Variants in GIMAP2 observed in about 807,000 individuals in gnomAD.
The protein encoded by GIMAP2 is GTPase IMAP family member 2.
In GIMAP2, 22 loss-of-function variants were observed where a neutral mutation model predicts 25.5. The ratio of observed to expected loss-of-function variants is 0.86; its 90% CI spans 0.62 to 1.23. The LOEUF (loss-of-function observed/expected upper bound fraction) is 1.23, where lower values mean the gene tolerates loss of function less well. Ranked by LOEUF, GIMAP2 falls within the 50% of genes most tolerant of loss-of-function variation. The pLI, the probability that GIMAP2 is intolerant of heterozygous loss-of-function variation, is 0.00. For missense variants in GIMAP2, 422 were observed against 395.7 expected (o/e 1.07, Z -0.56); for synonymous variants, 167 against 143.0 (o/e 1.17, Z -1.20).
Position 150,693,176 on chromosome 7 carries a change from T to A in GIMAP2, c.890T>A (p.Leu297Ter). The change falls in exon 3 of 3, where the codon TTG (leucine) becomes TAG (stop). Residue 297 changes from leucine to a stop codon, truncating the protein, a stop_gained. Coordinates refer to ENST00000223293, the MANE Select transcript of GIMAP2 (RefSeq NM_015660.3). LOFTEE classifies it high-confidence loss of function. ...TGCATACTGCACAGCATGTGCAATT[T>A]GTTTTGTTGCTTACTCTTTAGTATG... Reference protein sequence around the residue: ...WLCILHSMCNLFCCLLFSMCN... With the variant: ...WLCILHSMCN 6.2e-7 allele frequency: 1 copy of A among 1,613,638 alleles called. No individual in the cohort carries two copies. Among genetic ancestry groups the A allele is most frequent in the Non-Finnish European group, 8.5e-7 (1 of 1,179,712 alleles).
chr7:150,693,447 C>T lies in GIMAP2; in HGVS notation c.*147C>T, dbSNP rs1342028460. ...CACTCCAATTATTAATGAACCAAAT[C>T]ATACGATAAGTTACTGTTTGCATTG... On this transcript the variant is annotated 3_prime_UTR_variant, in exon 3 of 3. Coordinates refer to ENST00000223293, the MANE Select transcript of GIMAP2 (RefSeq NM_015660.3). 3 of 561,586 alleles carry T rather than the reference C, an allele frequency of 5.3e-6. No homozygotes were observed. The highest frequency in any genetic ancestry group is 9.2e-6 in the Non-Finnish European group (3 of 325,658). The allele number at this position is 561,586 out of a possible 1,614,324, so 34.8% of individuals were successfully genotyped here. A position where few individuals can be genotyped will look rare whatever the true frequency, so the allele number is the denominator to read the frequency against.
rs1796910219 is a variant in GIMAP2, at chr7:150,687,043, G to A, written c.-8-9G>A. Reference sequence around the variant, plus strand: ...TGAAAAATAAGTTTCTTGTCTCTCTGTTTCTCAGGAACACCAATGGACCAA... The same window carrying A: ...TGAAAAATAAGTTTCTTGTCTCTCTATTTCTCAGGAACACCAATGGACCAA... On this transcript the variant is annotated splice_polypyrimidine_tract_variant and intron_variant, in intron 1 of 2. Coordinates refer to ENST00000223293, the MANE Select transcript of GIMAP2 (RefSeq NM_015660.3). 1 of 1,597,148 alleles carries A rather than the reference G, an allele frequency of 6.3e-7. No individual in the cohort carries two copies. Among genetic ancestry groups the A allele is most frequent in the South Asian group, 1.1e-5 (1 of 90,740 alleles).
intron 2 of GIMAP2, 68 bp downstream of exon 2, chr7:150,687,155 T>TGTGTGTGTGTG (rs1796913382): frequency 9.9e-6 from 11 of 1,106,182 alleles, no homozygotes; most frequent in African/African-American, 8.3e-5. Flanking sequence ...TGTGTGTGTG[T>TGTGTGTGTGTG]TTGGCTCTTC....
rs1390788836 is a variant in GIMAP2, at chr7:150,693,026, T to C, written c.740T>C (p.Met247Thr). Residue 247 changes from methionine (M) to threonine (T), a missense_variant, in exon 3 of 3, where the codon ATG becomes ACG. Transcript: ENST00000223293. ...TTCAAACAGAGCCTTATAAAGTACA[T>C]GGAAACTCAAAGAAGTTACACAGCC... Reference protein sequence around the residue: ...KEFKQSLIKYMETQRSYTALA... With the variant: ...KEFKQSLIKYTETQRSYTALA... 1 of 1,614,166 alleles carries C rather than the reference T, an allele frequency of 6.2e-7. No homozygotes were observed. Among genetic ancestry groups the C allele is most frequent in the Non-Finnish European group, 8.5e-7 (1 of 1,180,002 alleles).
chr7:150,689,366 C>A, intron 2 of GIMAP2: 1 of 542,316 alleles, frequency 1.8e-6, no homozygotes, highest in South Asian at 2.6e-5. Flanking sequence ...GCTTTGGATG[C>A]AGAGAATTCT....
Position 150,692,975 on chromosome 7 carries a change from T to G in GIMAP2, c.689T>G (p.Val230Gly), listed in dbSNP as rs776373050. 1.1e-5 allele frequency: 17 copies of G among 1,613,860 alleles called. No homozygotes were observed. Among genetic ancestry groups the G allele is most frequent in the Non-Finnish European group, 3.4e-6 (4 of 1,179,848 alleles). Residue 230 changes from valine to glycine, a missense_variant, in exon 3 of 3, where the codon GTG (valine) becomes GGG (glycine). By Grantham distance (109) the Val-to-Gly change is moderately radical (BLOSUM62 -3). Coordinates refer to ENST00000223293, the MANE Select transcript of GIMAP2 (RefSeq NM_015660.3). ...ATACAGAGGTCTAAATGTGGACCTG[T>G]GGGATCAGATGAAAGAGTAAAGGAA... The part of the protein sequence containing the change: ...SLIQRSKCGP[V>G]GSDERVKEFK...
chr7:150,693,376 C>T lies in GIMAP2; in HGVS notation c.*76C>T. On this transcript the variant is annotated 3_prime_UTR_variant, in exon 3 of 3. Transcript: ENST00000223293. ...AGTAATTTCCCTGTAAAATGTGGTACCTGAAGTCATATTTGAGATTCTATG... is the reference window on the plus strand; with the variant it reads ...AGTAATTTCCCTGTAAAATGTGGTATCTGAAGTCATATTTGAGATTCTATG... 3 of 924,572 alleles carry T rather than the reference C, an allele frequency of 3.2e-6. No homozygotes were observed. The highest frequency in any genetic ancestry group is 1.7e-5 in the South Asian group (1 of 57,398). The allele number at this position is 924,572 out of a possible 1,614,324, so 57.3% of individuals were successfully genotyped here.
chr7:150,689,539 C>A (rs79807098), intron 2 of GIMAP2: 4 of 702,788 alleles, frequency 5.7e-6, no homozygotes, highest in Non-Finnish European at 1.0e-5. Flanking sequence ...CAAGCTCCAG[C>A]GCGGTGTATC....
intron 2 of GIMAP2, 91 bp from the exon 3 acceptor site, chr7:150,692,224 C>CA (rs368597010): frequency 0.012 from 12,710 of 1,043,446 alleles, no homozygotes; most frequent in Non-Finnish European, 0.014. Flanking sequence ...GACTCCGTCT[C>CA]AAAAAAAAAA....
chr7:150,692,385 T>G lies in GIMAP2; in HGVS notation c.99T>G (p.Thr33=). 6.2e-7 allele frequency: 1 copy of G among 1,614,162 alleles called. No individual in the cohort carries two copies. Among genetic ancestry groups the G allele is most frequent in the Non-Finnish European group, 8.5e-7 (1 of 1,180,016 alleles). Residue 33 remains threonine (T), a synonymous_variant, in exon 3 of 3, where the codon ACT becomes ACG. Transcript: ENST00000223293. ...LRIILVGKTG[T]GKSAAGNSIL... The stretch of plus-strand genomic sequence containing the variant: ...TCATCCTGGTGGGCAAAACAGGAAC[T>G]GGCAAAAGTGCTGCAGGGAACAGCA...
chr7:150,685,732 A>T lies in GIMAP2; in HGVS notation c.-62A>T. 5.1e-6 allele frequency: 5 copies of T among 983,986 alleles called. No homozygotes were observed. Among genetic ancestry groups the T allele is most frequent in the Non-Finnish European group, 6.0e-6 (5 of 828,588 alleles). The allele number at this position is 983,986 out of a possible 1,614,324, so 61.0% of individuals were successfully genotyped here. A position where few individuals can be genotyped will look rare whatever the true frequency, so the allele number is the denominator to read the frequency against. ...TTTCTTTTTCTCTTGGAGCTGAGCT[A>T]TAAGACAACAGGACTGAACAGGGAG... On this transcript the variant is annotated 5_prime_UTR_variant, in exon 1 of 3. Coordinates refer to ENST00000223293, the MANE Select transcript of GIMAP2 (RefSeq NM_015660.3).
chr7:150,687,426 C>T (rs938276573), intron 2 of GIMAP2: 1 of 223,742 alleles, frequency 4.5e-6, no homozygotes, highest in Non-Finnish European at 8.6e-6. Flanking sequence ...GCACACACCA[C>T]CACGCCCAGC....
chr7:150,690,935 C>T (rs897593812), intron 2 of GIMAP2, among the ~76,000 whole-genome samples: 17 of 152,206 alleles, frequency 1.1e-4, no homozygotes, highest in Non-Finnish European at 2.2e-4. Context: ...CTTCTAAGCT[C>T]TGATATTCTG....
At chr7:150,686,956 A>AGAAAG in intron 1 of GIMAP2, 96 bp from the exon 2 acceptor site, 1 of 813,248 alleles carries the variant, frequency 1.2e-6, no homozygotes, top group South Asian at 1.8e-5. Flanking sequence ...AAAAAAAAAA[A>AGAAAG]AAAAAAAGAA....
chr7:150,688,386 C>A (rs1796927369), intron 2 of GIMAP2, among the ~76,000 whole-genome samples: 1 of 152,234 alleles, frequency 6.6e-6, no homozygotes, highest in South Asian at 2.1e-4. Context: ...CCACCTCAGC[C>A]TCCCAAAGTG....
At chr7:150,686,670 G>A (rs1434641687) in intron 1 of GIMAP2, among the ~76,000 whole-genome samples, 1 of 152,102 alleles carries the variant, frequency 6.6e-6, no homozygotes, top group African/African-American at 2.4e-5. Context: ...TTGGCCTAGT[G>A]TGATGGCTCA....
chr7:150,690,664 C>G (rs1304541746), intron 2 of GIMAP2, among the ~76,000 whole-genome samples: 3 of 152,162 alleles, frequency 2.0e-5, no homozygotes, highest in Non-Finnish European at 2.9e-5. Context: ...CAATCCTAGC[C>G]TAATTTTCAC....
chr7:150,688,590 T>A (rs1796929385), intron 2 of GIMAP2, among the ~76,000 whole-genome samples: 1 of 152,160 alleles, frequency 6.6e-6, no homozygotes, highest in African/African-American at 2.4e-5. Flanking sequence ...TTCTCCTTCC[T>A]CTACCTCAGC....
chr7:150,687,781 C>T (rs1796920627), intron 2 of GIMAP2, among the ~76,000 whole-genome samples: 2 of 151,582 alleles, frequency 1.3e-5, no homozygotes, highest in Non-Finnish European at 2.9e-5. Flanking sequence ...CCCTTCTCTT[C>T]CCTTGTCCTT....
Sources: allele counts gnomAD v4.1 joint callset (sites outside exome capture counted in the v4.1 genomes callset), GRCh38; gene constraint gnomAD v4.1.1; transcripts MANE v1.5; gene names NCBI Gene and HGNC (gene_info 2026-07-23, HGNC 2026-07-21).